Variants in PDE7A observed in about 807,000 individuals in gnomAD.
The protein encoded by PDE7A is phosphodiesterase 7A, also known as high affinity 3',5'-cyclic-AMP phosphodiesterase 7A.
In PDE7A, 39 loss-of-function variants were observed where a neutral mutation model predicts 64.3. That is an observed-to-expected ratio of 0.61 (90% confidence interval 0.47 to 0.79). The LOEUF (loss-of-function observed/expected upper bound fraction) is 0.79, where lower values mean the gene tolerates loss of function less well. PDE7A is among the 30% of genes least tolerant of loss of function. The pLI, the probability that PDE7A is intolerant of heterozygous loss-of-function variation, is 0.00. For missense variants in PDE7A, 470 were observed against 582.8 expected (o/e 0.81, Z 1.99); for synonymous variants, 203 against 206.8 (o/e 0.98, Z 0.16).
intron 7 of PDE7A, chr8:65,727,949 C>T (rs1229884675): frequency 6.6e-6 from 1 of 152,202 alleles, no homozygotes; most frequent in East Asian, 1.9e-4. Context: ...CATTACCAAA[C>T]TTATTTAATA....
At chr8:65,802,591 C>G (rs1810018299) in intron 1 of PDE7A, among the ~76,000 whole-genome samples, 1 of 152,114 alleles carries the variant, frequency 6.6e-6, no homozygotes, top group South Asian at 2.1e-4. Flanking sequence ...TGGGAAGGTA[C>G]TTGGACAGTT....
chr8:65,751,933 C>T (rs935120697), intron 3 of PDE7A, among the ~76,000 whole-genome samples: 10 of 152,198 alleles, frequency 6.6e-5, no homozygotes, highest in Non-Finnish European at 1.5e-4. Flanking sequence ...AGTGCATAGA[C>T]ACCTTCCCTG....
At chr8:65,720,774 A>C (rs1448845570) in intron 12 of PDE7A, among the ~76,000 whole-genome samples, 8 of 152,206 alleles carry the variant, frequency 5.3e-5, no homozygotes, top group Non-Finnish European at 1.0e-4. Context: ...ACAAACATAG[A>C]AAAGTGTCAT....
intron 1 of PDE7A, among the ~76,000 whole-genome samples, chr8:65,799,761 T>A (rs908519126): frequency 5.3e-5 from 8 of 152,058 alleles, no homozygotes; most frequent in African/African-American, 1.9e-4. Context: ...CCTCTGCCAA[T>A]CAAGACTGCT....
chr8:65,774,831 A>G (rs1318111826), intron 3 of PDE7A, among the ~76,000 whole-genome samples: 1 of 152,188 alleles, frequency 6.6e-6, no homozygotes, highest in Non-Finnish European at 1.5e-5. Context: ...GCTGTTTCTC[A>G]TATCTGCTAA....
chr8:65,731,740 T>C (rs1357592031), intron 7 of PDE7A: 3 of 152,192 alleles, frequency 2.0e-5, no homozygotes, highest in African/African-American at 4.8e-5. Context: ...TATTTTTTTT[T>C]CCACATAGAC....
At chr8:65,726,013 C>CT (rs957463887) in intron 9 of PDE7A, among the ~76,000 whole-genome samples, 2 of 152,048 alleles carry the variant, frequency 1.3e-5, no homozygotes, top group African/African-American at 4.8e-5. Context: ...TAAAGTCCAG[C>CT]TTTTTTCTCA....
chr8:65,747,906 A>T (rs2128906934), intron 3 of PDE7A, 103 bp from the exon 4 acceptor site: 1 of 566,294 alleles, frequency 1.8e-6, no homozygotes, highest in East Asian at 3.2e-5. Flanking sequence ...TTAAAAATTC[A>T]TTTAAATAAT....
intron 7 of PDE7A, 37 bp downstream of exon 7, chr8:65,734,757 T>G (rs181891137): frequency 8.5e-7 from 1 of 1,179,174 alleles, no homozygotes; most frequent in Non-Finnish European, 1.3e-6. Flanking sequence ...AGGAATTTTC[T>G]TATGATTTTC....
chr8:65,729,960 C>T (rs772101218), intron 7 of PDE7A, among the ~76,000 whole-genome samples: 11 of 151,964 alleles, frequency 7.2e-5, no homozygotes, highest in Non-Finnish European at 7.4e-5. Context: ...AAGGACAAGG[C>T]GGTCCTCGCA....
Position 65,724,337 on chromosome 8 carries a change from A to G in PDE7A, c.1080T>C (p.Cys360=). The G allele has an allele frequency of 6.2e-7, 1 of 1,611,968 alleles. No individual in the cohort carries two copies. Residue 360 remains cysteine, a synonymous_variant, in exon 11 of 13, where the codon TGT becomes TGC. Transcript: ENST00000401827. Reference sequence around the variant, plus strand: ...TCCGACATGGGTTACAAATATCAGCACATTTCAAAGCCATCTAGCAAACAA... The same window carrying G: ...TCCGACATGGGTTACAAATATCAGCGCATTTCAAAGCCATCTAGCAAACAA... ...RHLVLQMALK[C]ADICNPCRTW...
intron 9 of PDE7A, among the ~76,000 whole-genome samples, chr8:65,726,433 TCTTTA>T (rs1458486968): frequency 6.6e-6 from 1 of 152,206 alleles, no homozygotes; most frequent in African/African-American, 2.4e-5. Flanking sequence ...TAAGGCACTC[TCTTTA>T]CTTTCTTGTC....
rs1811089207 is a variant in PDE7A, at chr8:65,841,543, C to T, written c.-35G>A. ...CCGCCCTGCCTCCGCGCGGCGCCCG[C>T]CCTGCCGCGGCCGCCGGCCCCTGCA... On this transcript the variant is annotated 5_prime_UTR_variant, in exon 1 of 13. Coordinates refer to ENST00000401827, the MANE Select transcript of PDE7A (RefSeq NM_001242318.3). The T allele has an allele frequency of 5.8e-6, 8 of 1,387,160 alleles. No individual in the cohort carries two copies. The highest frequency in any genetic ancestry group is 3.6e-5 in the Admixed American group (1 of 27,552). 85.9% of individuals were successfully genotyped at this position (1,387,160 alleles called of 1,614,324 possible).
Position 65,841,387 on chromosome 8 carries a change from G to A in PDE7A, c.122C>T (p.Pro41Leu). ...GGCGATTACCTGAGAGAGCTGCCGG[G>A]GATTGGGGCAGCCGAAGAGAGCGGA... Reference protein sequence around the residue: ...SSSALFGCPNPRQLSQRRGAI... With the variant: ...SSSALFGCPNLRQLSQRRGAI... Residue 41 changes from proline (P) to leucine (L), a missense_variant, in exon 1 of 13, where the codon CCC (proline) becomes CTC (leucine). Transcript: ENST00000401827. The A allele has an allele frequency of 1.3e-6, 2 of 1,560,274 alleles. No individual in the cohort carries two copies. The highest frequency in any genetic ancestry group is 1.7e-6 in the Non-Finnish European group (2 of 1,157,894).
At chr8:65,820,133 C>G (rs181743580) in intron 1 of PDE7A, among the ~76,000 whole-genome samples, 142 of 152,344 alleles carry the variant, frequency 9.3e-4, no homozygotes, top group Non-Finnish European at 1.6e-3. Context: ...TGATGGCTCA[C>G]GCCTGTCATC....
chr8:65,739,689 T>C, intron 5 of PDE7A, 92 bp from the exon 6 acceptor site: 1 of 1,224,916 alleles, frequency 8.2e-7, no homozygotes, highest in Non-Finnish European at 1.0e-6. Context: ...ATATAAAACA[T>C]GGAAAGAGTA....
intron 1 of PDE7A, among the ~76,000 whole-genome samples, chr8:65,806,222 A>G (rs1243732894): frequency 6.6e-6 from 1 of 152,248 alleles, no homozygotes; most frequent in African/African-American, 2.4e-5. Context: ...ATAAATTTTC[A>G]AACTATCTCC....
chr8:65,814,510 C>A (rs1238712525), intron 1 of PDE7A, among the ~76,000 whole-genome samples: 107 of 71,040 alleles, frequency 1.5e-3, no homozygotes, highest in African/African-American at 2.4e-3. Context: ...GACTCCGTCT[C>A]AAAAAAAAAA....
intron 3 of PDE7A, among the ~76,000 whole-genome samples, chr8:65,769,827 T>C (rs1423029509): frequency 6.6e-6 from 1 of 152,064 alleles, no homozygotes; most frequent in Non-Finnish European, 1.5e-5. Context: ...ACCCAGGAAG[T>C]GGAGATTGCA....
Sources: gnomAD v4.1 joint callset for allele counts (sites outside exome capture counted in the v4.1 genomes callset) on GRCh38, gnomAD v4.1.1 for gene constraint, MANE v1.5 for transcripts, NCBI Gene and HGNC (gene_info 2026-07-23, HGNC 2026-07-21) for gene names.